Variants in ZZEF1 observed in about 807,000 individuals in gnomAD.
The protein encoded by ZZEF1 is zinc finger ZZ-type and EF-hand domain-containing protein 1.
ZZEF1 carries 157 observed loss-of-function variants against 342.8 expected under a neutral mutation model. The observed-to-expected ratio is 0.46, with a 90% CI of 0.40 to 0.52. ZZEF1 has a LOEUF of 0.52. Among genes scored for constraint, ZZEF1 ranks in the 20% least tolerant of loss-of-function variants. ZZEF1 has a pLI of 0.00. For synonymous variants in ZZEF1, 1,505 were observed against 1,429.1 expected (o/e 1.05, Z -1.20); for missense variants, 3,480 against 3,725.6 (o/e 0.93, Z 1.72).
intron 24 of ZZEF1, 46 bp downstream of exon 24, chr17:4,074,104 C>T (rs1049035006): frequency 5.0e-6 from 8 of 1,603,962 alleles, no homozygotes; most frequent in Non-Finnish European, 6.8e-6. Context: ...GCATCTTGCA[C>T]TTCACCGTGG....
chr17:4,016,512 A>G lies in ZZEF1; in HGVS notation c.8002-46T>C. 1.3e-6 allele frequency: 2 copies of G among 1,570,356 alleles called. No individual in the cohort carries two copies. The highest frequency in any genetic ancestry group is 1.7e-6 in the Non-Finnish European group (2 of 1,165,910). On this transcript the variant is annotated intron_variant, in intron 48 of 54. Coordinates refer to ENST00000381638, the MANE Select transcript of ZZEF1 (RefSeq NM_015113.4). This position sits in a 1 kb window ranked among gnomAD's most constrained non-coding sequence, Gnocchi z 4.4. ...AAGGTCAGGGCCTGCAAGTGGCATC[A>G]GGAAGAAGGGACAGTTTACTTCAAC...
chr17:4,041,613 T>G (rs72827329), intron 39 of ZZEF1, among the ~76,000 whole-genome samples: 1,852 of 152,294 alleles, frequency 0.012, 29 homozygotes, highest in Non-Finnish European at 0.017. Flanking sequence ...ATTCCTAAAT[T>G]AATAAATAAA....
At chr17:4,053,429 T>C (rs2057091499) in intron 34 of ZZEF1, among the ~76,000 whole-genome samples, 1 of 152,228 alleles carries the variant, frequency 6.6e-6, no homozygotes, top group Non-Finnish European at 1.5e-5. Flanking sequence ...CCAATTCTCA[T>C]TCCACCTCCT....
Position 4,096,630 on chromosome 17 carries a change from T to G in ZZEF1, c.1743A>C (p.Gln581His), listed in dbSNP as rs2058038433. ...IFSTGTESAF[Q>H]VTQIRIMVRR... ...TTACCATAATTCTTATCTGTGTAAC[T>G]TGGAAGGCAGATTCAGTTCCGGTAG... Residue 581 changes from glutamine to histidine, a missense_variant, in exon 10 of 55, where the codon CAA becomes CAC. This residue lies in a region of ZZEF1 where 1,528 missense variants were observed against 1,624.1 expected (regional missense o/e 0.94). Coordinates refer to ENST00000381638, the MANE Select transcript of ZZEF1 (RefSeq NM_015113.4). 6.2e-7 allele frequency: 1 copy of G among 1,614,066 alleles called. No homozygotes were observed. Among genetic ancestry groups the G allele is most frequent in the Non-Finnish European group, 8.5e-7 (1 of 1,179,972 alleles).
At chr17:4,122,614 A>T (rs577673116) in intron 2 of ZZEF1, among the ~76,000 whole-genome samples, 84 of 152,286 alleles carry the variant, frequency 5.5e-4, no homozygotes, top group Non-Finnish European at 5.0e-4. Context: ...TCCCGACCTC[A>T]GGTCGGGAAC....
At chr17:4,102,621 T>A (rs989046172) in intron 8 of ZZEF1, among the ~76,000 whole-genome samples, 3 of 152,228 alleles carry the variant, frequency 2.0e-5, no homozygotes, top group Non-Finnish European at 4.4e-5. Flanking sequence ...AGTACAGCTA[T>A]GGCCCTGAGT....
rs911843566 is a variant in ZZEF1 at position 4,022,706 on chromosome 17, T to C, written c.7212+3A>G. 1.2e-6 allele frequency: 2 copies of C among 1,613,706 alleles called. No homozygotes were observed. Among genetic ancestry groups the C allele is most frequent in the Non-Finnish European group, 8.5e-7 (1 of 1,179,980 alleles). ...AGGAGCAGGAGTCCCTCTCGTCTCT[T>C]ACTTCCAGGTCCCGGAGGAGCCACG... is the stretch of plus-strand genomic sequence containing the variant. On this transcript the variant is annotated splice_donor_region_variant and intron_variant, in intron 44 of 54. Transcript: ENST00000381638.
chr17:4,013,685 T>A, intron 51 of ZZEF1, 71 bp from the exon 52 acceptor site: 1 of 1,429,456 alleles, frequency 7.0e-7, no homozygotes, highest in African/African-American at 1.5e-5. Context: ...TTAAATAAAG[T>A]ATAACAATTG....
intron 21 of ZZEF1, 149 bp downstream of exon 21, chr17:4,076,488 C>T (rs2057623512): frequency 9.6e-7 from 1 of 1,041,330 alleles, no homozygotes; most frequent in Non-Finnish European, 1.3e-6. Context: ...TGACATTCAC[C>T]CTTGTTGGCA....
At chr17:4,095,518 T>C (rs924648871) in intron 11 of ZZEF1, among the ~76,000 whole-genome samples, 16 of 151,916 alleles carry the variant, frequency 1.1e-4, no homozygotes, top group African/African-American at 2.9e-4. Flanking sequence ...AGAAGGGGGG[T>C]TGGGGCAATG....
Position 4,013,573 on chromosome 17 carries a change from C to CGA in ZZEF1, c.8453_8454dup (p.Val2819SerfsTer27). 6.2e-7 allele frequency: 1 copy of CGA among 1,613,950 alleles called. No individual in the cohort carries two copies. The highest frequency in any genetic ancestry group is 8.5e-7 in the Non-Finnish European group (1 of 1,179,916). On this transcript the variant is annotated frameshift_variant, in exon 52 of 55. Coordinates refer to ENST00000381638, the MANE Select transcript of ZZEF1 (RefSeq NM_015113.4). LOFTEE classifies it high-confidence loss of function. Reference sequence around the variant, plus strand: ...ATTTTTGCCAATGGGAGATGAGGCACGACCCTTTCTTCTGACAACATCTGC... The same window carrying CGA: ...ATTTTTGCCAATGGGAGATGAGGCACGAGACCCTTTCTTCTGACAACATCTGC...
intron 11 of ZZEF1, among the ~76,000 whole-genome samples, chr17:4,093,217 AG>A (rs2057976814): frequency 6.6e-6 from 1 of 152,226 alleles, no homozygotes; most frequent in Non-Finnish European, 1.5e-5. Context: ...TTGTCCCAAG[AG>A]TAGGACATAG....
At chr17:4,025,161 C>G in intron 42 of ZZEF1, 43 bp from the exon 43 acceptor site, 6 of 1,578,322 alleles carry the variant, frequency 3.8e-6, no homozygotes, top group Non-Finnish European at 5.2e-6. Flanking sequence ...CACAAAAGTA[C>G]AGTTCATGCT....
intron 40 of ZZEF1, chr17:4,033,771 T>G (rs1350011454): frequency 1.8e-6 from 1 of 559,320 alleles, no homozygotes; most frequent in Non-Finnish European, 3.2e-6. Context: ...AGAATATGCC[T>G]CATTAGAGAG....
At chr17:4,022,916 T>A in intron 43 of ZZEF1, 88 bp from the exon 44 acceptor site, 1 of 1,516,174 alleles carries the variant, frequency 6.6e-7, no homozygotes, top group Non-Finnish European at 9.0e-7. Flanking sequence ...CATTCACTCT[T>A]TCATTCATTC....
At chr17:4,076,585 C>A (rs1244495207) in intron 21 of ZZEF1, 52 bp downstream of exon 21, 1 of 1,574,230 alleles carries the variant, frequency 6.4e-7, no homozygotes, top group Non-Finnish European at 8.6e-7. Context: ...TAAGTGTGTC[C>A]CATCACTCCT....
rs1348234896 is a variant in ZZEF1, at chr17:4,062,854, T to C, written c.4782A>G (p.Ile1594Met). The C allele has an allele frequency of 4.3e-6, 7 of 1,613,258 alleles. No individual in the cohort carries two copies. Among genetic ancestry groups the C allele is most frequent in the South Asian group, 2.2e-5 (2 of 90,968 alleles). ...CAAGGGATTCTGCACAGTGCTGAGTTATCTTCAGGACTTCCAGGATGCTCT... is the reference window on the plus strand; with the variant it reads ...CAAGGGATTCTGCACAGTGCTGAGTCATCTTCAGGACTTCCAGGATGCTCT... ...QAQSILEVLK[I>M]TQHCAESLGQ... Residue 1594 changes from isoleucine to methionine, a missense_variant, in exon 30 of 55, where the codon ATA becomes ATG. Transcript: ENST00000381638.
intron 1 of ZZEF1, among the ~76,000 whole-genome samples, chr17:4,125,243 C>A (rs1177437820): frequency 6.6e-6 from 1 of 152,210 alleles, no homozygotes; most frequent in African/African-American, 2.4e-5. Flanking sequence ...ACTCACACAT[C>A]GCTCTCACCA....
intron 13 of ZZEF1, among the ~76,000 whole-genome samples, chr17:4,087,766 TATAG>T (rs894695847): frequency 2.7e-5 from 4 of 146,442 alleles, no homozygotes; most frequent in African/African-American, 5.3e-5. Flanking sequence ...TGTAAGTGTA[TATAG>T]ATATATACAC....
Sources: allele counts gnomAD v4.1 joint callset (sites outside exome capture counted in the v4.1 genomes callset), GRCh38; gene constraint gnomAD v4.1.1; regional missense constraint gnomAD v4.1.1; non-coding constraint Gnocchi (gnomAD v3.1); transcripts MANE v1.5; gene names NCBI Gene and HGNC (gene_info 2026-07-23, HGNC 2026-07-21).